Variants in LIMCH1 observed in about 807,000 individuals in gnomAD.
LIMCH1 encodes the protein LIM and calponin homology domains 1.
LIMCH1 carries 113 observed loss-of-function variants against 176.5 expected under a neutral mutation model. The observed-to-expected ratio is 0.64, with a 90% CI of 0.55 to 0.75. LIMCH1 has a LOEUF of 0.75. LIMCH1 is among the 30% of genes least tolerant of loss of function. The pLI is 0.00. For missense variants in LIMCH1, 1,674 were observed against 1,814.9 expected, an observed-to-expected ratio of 0.92 and a Z score of 1.41; for synonymous variants, 619 against 645.9, an observed-to-expected ratio of 0.96 and a Z score of 0.63.
chr4:41,687,754 A>G, intron 28 of LIMCH1, 86 bp from the exon 29 acceptor site: 1 of 765,870 alleles, frequency 1.3e-6, no homozygotes, highest in Admixed American at 2.4e-5. Flanking sequence ...ATTTTATTTT[A>G]TTTTCCTAAT....
At chr4:41,656,849 C>T (rs930535800) in intron 18 of LIMCH1, among the ~76,000 whole-genome samples, 6 of 152,176 alleles carry the variant, frequency 3.9e-5, no homozygotes, top group African/African-American at 1.2e-4. Flanking sequence ...AGTCCGAGCT[C>T]ACCAGCAACT....
chr4:41,599,370 T>C (rs563258631), intron 2 of LIMCH1, among the ~76,000 whole-genome samples: 2 of 152,202 alleles, frequency 1.3e-5, no homozygotes, highest in African/African-American at 4.8e-5. Flanking sequence ...AATTGAACAT[T>C]TGAGTAGGCT....
intron 21 of LIMCH1, among the ~76,000 whole-genome samples, chr4:41,669,416 A>G (rs1348428046): frequency 2.0e-5 from 3 of 152,194 alleles, no homozygotes; most frequent in African/African-American, 7.2e-5. Flanking sequence ...AAGAGTGTTC[A>G]TGTTGTGGAG....
intron 1 of LIMCH1, among the ~76,000 whole-genome samples, chr4:41,440,180 T>G (rs2062554851): frequency 6.6e-6 from 1 of 152,208 alleles, no homozygotes; most frequent in Admixed American, 6.5e-5. Flanking sequence ...ATTAACAAGT[T>G]TAACAAAAAT....
At chr4:41,413,066 G>C (rs1272921459) in intron 1 of LIMCH1, among the ~76,000 whole-genome samples, 1 of 152,028 alleles carries the variant, frequency 6.6e-6, no homozygotes, top group African/African-American at 2.4e-5. Context: ...TCTGGAACTT[G>C]ATAAATGTCA....
At chr4:41,657,043 A>G (rs975065075) in intron 18 of LIMCH1, among the ~76,000 whole-genome samples, 1 of 152,082 alleles carries the variant, frequency 6.6e-6, no homozygotes, top group Non-Finnish European at 1.5e-5. Context: ...CTCTCAAGCC[A>G]GGAAACTGCC....
intron 1 of LIMCH1, among the ~76,000 whole-genome samples, chr4:41,390,271 A>AGAGAGAGAGAGAGAGAGAGAGAGAGC (rs1339324639): frequency 4.0e-5 from 6 of 150,382 alleles, no homozygotes; most frequent in African/African-American, 1.5e-4. Flanking sequence ...AGAGAGAGAG[A>AGAGAGAGAGAGAGAGAGAGAGAGAGC]GAGCGAGAGC....
At chr4:41,426,431 A>G (rs2061112245) in intron 1 of LIMCH1, among the ~76,000 whole-genome samples, 1 of 152,244 alleles carries the variant, frequency 6.6e-6, no homozygotes, top group African/African-American at 2.4e-5. Context: ...TGTTTGTAAC[A>G]GTATAGACAT....
intron 1 of LIMCH1, among the ~76,000 whole-genome samples, chr4:41,363,824 G>A (rs528249950): frequency 6.6e-6 from 1 of 152,296 alleles, no homozygotes; most frequent in South Asian, 2.1e-4. Flanking sequence ...TTTTATAGCT[G>A]TAGGAACAGG....
At chr4:41,605,081 C>T (rs2152767707) in intron 3 of LIMCH1, among the ~76,000 whole-genome samples, 1 of 152,296 alleles carries the variant, frequency 6.6e-6, no homozygotes, top group East Asian at 1.9e-4. Context: ...AGCTCATCTT[C>T]AGCTGACTCT....
chr4:41,650,594 C>T lies in LIMCH1; in HGVS notation c.3022C>T (p.Pro1008Ser), dbSNP rs1035561715. ...CAACATAAAGAAGCCAAACTCTGTT[C>T]CCCAAGAGCTCGCAGTAAGAACCAA... ...EINIKKPNSV[P>S]QELAATTEKT... Residue 1008 changes from proline (P) to serine (S), a missense_variant, in exon 18 of 32, where the codon CCC becomes TCC. Pro to Ser is a moderately conservative substitution (Grantham distance 74). Transcript: ENST00000503057. 5 of 1,613,218 alleles carry T rather than the reference C, an allele frequency of 3.1e-6. No homozygotes were observed. The highest frequency in any genetic ancestry group is 3.4e-6 in the Non-Finnish European group (4 of 1,179,696).
intron 1 of LIMCH1, among the ~76,000 whole-genome samples, chr4:41,384,209 T>G (rs2056140767): frequency 6.7e-6 from 1 of 149,790 alleles, no homozygotes. Context: ...CATCCTGCTT[T>G]CTTTTTTTTT....
intron 30 of LIMCH1, among the ~76,000 whole-genome samples, chr4:41,690,487 A>G (rs1724679476): frequency 6.6e-6 from 1 of 152,338 alleles, no homozygotes; most frequent in Middle Eastern, 3.4e-3. Context: ...TCATGGACAC[A>G]TTTCAAAATA....
chr4:41,480,423 A>G (rs1479080173), intron 1 of LIMCH1, among the ~76,000 whole-genome samples: 1 of 152,172 alleles, frequency 6.6e-6, no homozygotes, highest in East Asian at 1.9e-4. Context: ...CCTGGCCAAC[A>G]TGGTGAAACC....
At chr4:41,614,807 A>G (rs920744393) in intron 5 of LIMCH1, among the ~76,000 whole-genome samples, 1 of 152,230 alleles carries the variant, frequency 6.6e-6, no homozygotes, top group South Asian at 2.1e-4. Flanking sequence ...AACATTTACA[A>G]GTTACAAAAA....
intron 1 of LIMCH1, among the ~76,000 whole-genome samples, chr4:41,382,079 C>T (rs945188115): frequency 7.2e-5 from 11 of 152,202 alleles, no homozygotes; most frequent in African/African-American, 2.7e-4. Context: ...AGCAGTGCTA[C>T]CTAGTTTCTG....
intron 23 of LIMCH1, among the ~76,000 whole-genome samples, chr4:41,678,894 T>C (rs1168183059): frequency 2.0e-5 from 3 of 152,216 alleles, no homozygotes; most frequent in Non-Finnish European, 4.4e-5. Flanking sequence ...AAGGTCTCCT[T>C]CCTGTGCCCC....
At chr4:41,470,585 T>A (rs1008321401) in intron 1 of LIMCH1, among the ~76,000 whole-genome samples, 1 of 152,196 alleles carries the variant, frequency 6.6e-6, no homozygotes, top group Non-Finnish European at 1.5e-5. Context: ...CTCCTCACCA[T>A]TCTGTAGAAA....
intron 1 of LIMCH1, among the ~76,000 whole-genome samples, chr4:41,407,611 G>A (rs973736859): frequency 1.3e-5 from 2 of 152,184 alleles, no homozygotes; most frequent in Non-Finnish European, 2.9e-5. Context: ...GTGTTGTCAC[G>A]TGGCCAATCC....
Sources: allele counts gnomAD v4.1 joint callset (sites outside exome capture counted in the v4.1 genomes callset), GRCh38; gene constraint gnomAD v4.1.1; transcripts MANE v1.5; gene names NCBI Gene and HGNC (gene_info 2026-07-23, HGNC 2026-07-21).